BCAS3: variants seen among roughly 807,000 people sequenced by gnomAD.
BCAS3 encodes the protein BCAS3 microtubule associated cell migration factor, also known as BCAS4/BCAS3 fusion.
Under a neutral mutation model 116.1 loss-of-function variants are expected in BCAS3, and 53 were observed. The ratio of observed to expected loss-of-function variants is 0.46; its 90% CI spans 0.37 to 0.57. BCAS3 has a LOEUF of 0.57. Among genes scored for constraint, BCAS3 ranks in the 20% least tolerant of loss-of-function variants. BCAS3 has a pLI of 0.00. For missense variants in BCAS3, 917 were observed against 1,165.4 expected, an observed-to-expected ratio of 0.79 and a Z score of 3.10; for synonymous variants, 391 against 408.2, an observed-to-expected ratio of 0.96 and a Z score of 0.51.
Position 60,989,232 on chromosome 17 carries a change from C to T in BCAS3, c.1222-739C>T, listed in dbSNP as rs962058180. ...AGCTGCCTTCCTTTTAGAGGCTATG[C>T]TTAAAAATGCTTATAACAGTATCAA... On this transcript the variant is annotated intron_variant, in intron 14 of 23. Transcript: ENST00000407086. Among the ~76,000 whole-genome samples the T allele has an allele frequency of 1.3e-4, 20 of 152,078 alleles. No individual in the cohort carries two copies. The East Asian group carries it at 3.7e-3, about 28-fold the overall frequency.
At chr17:60,705,532 AAAAG>A (rs1452251610) in intron 4 of BCAS3, among the ~76,000 whole-genome samples, 2 of 149,956 alleles carry the variant, frequency 1.3e-5, no homozygotes, top group South Asian at 2.1e-4. Flanking sequence ...AAAAAAAAAG[AAAAG>A]AAAATCATGA....
In BCAS3 at chr17:61,339,817, C is replaced by A. The variant is rs1304565775; in HGVS notation, c.2426-28510C>A. The stretch of plus-strand genomic sequence containing the variant: ...TGAGTGGAAGAGCCAGTAAAAGAGA[C>A]TGCAAAGTAGCGGCCGGAAAGATGG... On this transcript the variant is annotated intron_variant, in intron 22 of 23. Coordinates refer to ENST00000407086, the MANE Select transcript of BCAS3 (RefSeq NM_017679.5). This position sits in a 1 kb window ranked among gnomAD's most constrained non-coding sequence, Gnocchi z 4.4. Among the ~76,000 whole-genome samples, 3 of 149,928 alleles carry A rather than the reference C, an allele frequency of 2.0e-5. No individual in the cohort carries two copies. The East Asian group carries it at 5.9e-4, about 29-fold the overall frequency.
At chr17:61,260,108 C>T (rs1391810287) in intron 22 of BCAS3, among the ~76,000 whole-genome samples, 8 of 152,112 alleles carry the variant, frequency 5.3e-5, no homozygotes, top group African/African-American at 1.2e-4. Context: ...TACTAAATGC[C>T]GAAGTCAAGA....
intron 9 of BCAS3, among the ~76,000 whole-genome samples, chr17:60,876,327 ATTTT>A (rs1241436895): frequency 6.6e-6 from 1 of 151,892 alleles, no homozygotes; most frequent in Non-Finnish European, 1.5e-5. Flanking sequence ...TTGGAGGTAC[ATTTT>A]TCCTTTGTCT....
At chr17:60,958,084 G>C (rs1229848981) in intron 14 of BCAS3, among the ~76,000 whole-genome samples, 1 of 152,206 alleles carries the variant, frequency 6.6e-6, no homozygotes, top group African/African-American at 2.4e-5. Context: ...AGAGTTTCCA[G>C]TCATGGTGCA....
rs1567879243 is a variant in BCAS3, at chr17:60,924,423, A to T, written c.1010A>T (p.Asp337Val). The T allele has an allele frequency of 6.2e-7, 1 of 1,610,536 alleles. No individual in the cohort carries two copies. The highest frequency in any genetic ancestry group is 8.5e-7 in the Non-Finnish European group (1 of 1,178,156). The change falls in exon 13 of 24, where the codon GAT becomes GTT. Residue 337 changes from aspartate (D) to valine (V), a missense_variant. By Grantham distance (152) the Asp-to-Val change is radical. Around this residue, in one of 3 missense-constraint regions of BCAS3, gnomAD observed 807 missense variants for 1,026.0 expected, o/e 0.79. Transcript: ENST00000407086. ...TTTGTGAAGGTGCTTGTGAGTGAGG[A>T]TTCTGACAGTGATGGCATTGTGGCC... ...VGEGQVLVSEDSDSDGIVAHF... is the reference protein window; with the variant it reads ...VGEGQVLVSEVSDSDGIVAHF...
In BCAS3 at chr17:61,339,105, C is replaced by T. The variant is rs1008032031; in HGVS notation, c.2426-29222C>T. On this transcript the variant is annotated intron_variant, in intron 22 of 23. Coordinates refer to ENST00000407086, the MANE Select transcript of BCAS3 (RefSeq NM_017679.5). This position sits in a 1 kb window ranked among gnomAD's most constrained non-coding sequence, Gnocchi z 4.4. Reference sequence around the variant, plus strand: ...GTTCTTTTGGACTCTATTACTCAATCAGTGACATGTGACCCCCTGGGAAGG... The same window carrying T: ...GTTCTTTTGGACTCTATTACTCAATTAGTGACATGTGACCCCCTGGGAAGG... Among the ~76,000 whole-genome samples the T allele has an allele frequency of 6.6e-6, 1 of 152,044 alleles. No homozygotes were observed. The highest frequency in any genetic ancestry group is 6.6e-5 in the Admixed American group (1 of 15,262).
At chr17:60,861,542 T>C (rs554051526) in intron 7 of BCAS3, among the ~76,000 whole-genome samples, 1 of 152,202 alleles carries the variant, frequency 6.6e-6, no homozygotes, top group Non-Finnish European at 1.5e-5. Flanking sequence ...ATAGGATTGG[T>C]GAGAGTAGGC....
intron 5 of BCAS3, among the ~76,000 whole-genome samples, chr17:60,746,196 G>A (rs1302220277): frequency 6.6e-6 from 1 of 152,036 alleles, no homozygotes; most frequent in Non-Finnish European, 1.5e-5. Flanking sequence ...CAAACACTAG[G>A]CAATTATGAA....
rs1195804660 is a variant in BCAS3, at chr17:61,196,365, T to C, written c.2425+111801T>C. Among the ~76,000 whole-genome samples, 1 of 152,234 alleles carries C rather than the reference T, an allele frequency of 6.6e-6. No homozygotes were observed. The highest frequency in any genetic ancestry group is 2.4e-5 in the African/African-American group (1 of 41,458). Reference sequence around the variant, plus strand: ...GCGTAAAGCTGTTTGCATAGCGTGCTAACTCTATCAGGGTCATTTCCAGTC... The same window carrying C: ...GCGTAAAGCTGTTTGCATAGCGTGCCAACTCTATCAGGGTCATTTCCAGTC... On this transcript the variant is annotated intron_variant, in intron 22 of 23. Transcript: ENST00000407086. The surrounding 1 kb of genome is among the most constrained non-coding windows in gnomAD (Gnocchi z 4.7).
chr17:60,810,956 A>C (rs1347615221), intron 7 of BCAS3: 1 of 682,608 alleles, frequency 1.5e-6, no homozygotes, highest in Non-Finnish European at 2.7e-6. Context: ...CAGAAGAACC[A>C]AGAGGAGCTG....
At chr17:60,778,725 T>C (rs1369863661) in intron 6 of BCAS3, among the ~76,000 whole-genome samples, 2 of 152,208 alleles carry the variant, frequency 1.3e-5, no homozygotes, top group Admixed American at 1.3e-4. Context: ...ATTTGATATC[T>C]GAGTGGCATA....
At chr17:60,811,241 C>T (rs961481441) in intron 7 of BCAS3, 34 of 896,250 alleles carry the variant, frequency 3.8e-5, no homozygotes, top group Middle Eastern at 3.4e-4. Flanking sequence ...AGAGGGACAG[C>T]GCCAGGCCCA....
intron 22 of BCAS3, among the ~76,000 whole-genome samples, chr17:61,274,436 G>A (rs774966644): frequency 3.4e-4 from 52 of 151,612 alleles, no homozygotes; most frequent in Non-Finnish European, 7.2e-4. Flanking sequence ...TCACAGGCGT[G>A]TGCCACCACA....
At position 61,032,816 on chromosome 17, in the gene BCAS3, T is replaced by C. The variant is rs1047499343; in HGVS notation, c.1638-1850T>C. 1.3e-5 allele frequency among the ~76,000 whole-genome samples: 2 copies of C among 152,204 alleles called. No individual in the cohort carries two copies. The highest frequency in any genetic ancestry group is 4.8e-5 in the African/African-American group (2 of 41,448). The stretch of plus-strand genomic sequence containing the variant: ...AGTCTCACTGTGACTGGTTGACATT[T>C]TAGGCATGGATGTTTTTTGTTGCAG... On this transcript the variant is annotated intron_variant, in intron 16 of 23. Coordinates refer to ENST00000407086, the MANE Select transcript of BCAS3 (RefSeq NM_017679.5). The surrounding 1 kb of genome is among the most constrained non-coding windows in gnomAD (Gnocchi z 4.6).
chr17:61,040,706 T>C lies in BCAS3; in HGVS notation c.1929-86T>C, dbSNP rs2286638. 9.8e-5 allele frequency: 106 copies of C among 1,079,312 alleles called. 1 individual carries two copies. In the East Asian group the frequency reaches 2.3e-3, roughly 24 times the overall value. 66.9% of individuals were successfully genotyped at this position (1,079,312 alleles called of 1,614,324 possible). A position where few individuals can be genotyped will look rare whatever the true frequency, so the allele number is the denominator to read the frequency against. On this transcript the variant is annotated intron_variant, in intron 18 of 23. Transcript: ENST00000407086. ...ATCACAAAAGTAGTGTGAGTTTAAG[T>C]CACTGTTCATAAGTGATGACAGTCA...
intron 6 of BCAS3, among the ~76,000 whole-genome samples, chr17:60,764,625 C>T (rs1483000999): frequency 1.3e-5 from 2 of 152,002 alleles, no homozygotes; most frequent in African/African-American, 4.8e-5. Context: ...ATTATGTGGT[C>T]AGTTTTGGAA....
At chr17:60,753,528 A>C (rs1018078302) in intron 6 of BCAS3, among the ~76,000 whole-genome samples, 1 of 151,240 alleles carries the variant, frequency 6.6e-6, no homozygotes, top group Admixed American at 6.6e-5. Flanking sequence ...TCCTGCCTCA[A>C]CCTCCCGAGT....
chr17:61,087,216 C>T lies in BCAS3; in HGVS notation c.2425+2652C>T. Reference sequence around the variant, plus strand: ...CAGGAAGTTGCTTATCTGGAGGTTTCATTGCCTGTTACTTGGAGATACGAC... The same window carrying T: ...CAGGAAGTTGCTTATCTGGAGGTTTTATTGCCTGTTACTTGGAGATACGAC... On this transcript the variant is annotated intron_variant, in intron 22 of 23. Coordinates refer to ENST00000407086, the MANE Select transcript of BCAS3 (RefSeq NM_017679.5). This position sits in a 1 kb window ranked among gnomAD's most constrained non-coding sequence, Gnocchi z 4.6. 1.0e-6 allele frequency: 1 copy of T among 985,522 alleles called. No individual in the cohort carries two copies. The highest frequency in any genetic ancestry group is 1.2e-6 in the Non-Finnish European group (1 of 829,926). The allele number at this position is 985,522 out of a possible 1,614,324, so 61.0% of individuals were successfully genotyped here.
Sources: allele counts gnomAD v4.1 joint callset (sites outside exome capture counted in the v4.1 genomes callset), GRCh38; gene constraint gnomAD v4.1.1; regional missense constraint gnomAD v4.1.1; non-coding constraint Gnocchi (gnomAD v3.1); transcripts MANE v1.5; gene names NCBI Gene and HGNC (gene_info 2026-07-23, HGNC 2026-07-21).